The following CSMD1 variants were observed in gnomAD, a reference collection of about 807,000 sequenced individuals.
CSMD1 encodes CUB and Sushi multiple domains 1.
CSMD1 carries 213 observed loss-of-function variants against 417.5 expected under a neutral mutation model. That is an observed-to-expected ratio of 0.51 (90% CI 0.46 to 0.57). CSMD1 has a LOEUF of 0.57. Among genes scored for constraint, CSMD1 ranks in the 20% least tolerant of loss-of-function variants. The pLI is 0.00. For missense variants in CSMD1, 6,923 were observed against 4,529.7 expected, an observed-to-expected ratio of 1.53 and a Z score of -15.17; for synonymous variants, 2,862 against 1,736.8, an observed-to-expected ratio of 1.65 and a Z score of -16.11.
chr8:4,866,145 C>A (rs75964899), intron 1 of CSMD1, among the ~76,000 whole-genome samples: 1,753 of 152,058 alleles, frequency 0.012, 45 homozygotes, highest in African/African-American at 0.04. Flanking sequence ...TCATCCTATG[C>A]TGCAAAGTTT....
In CSMD1 at chr8:4,117,856, C is replaced by G. The variant is rs148242352; in HGVS notation, c.416-85757G>C. ...TCACTTTCCAAACAAAAGACAGAGA[C>G]TCAGGGCATGTCAAAAACCACAAAA... is the stretch of plus-strand genomic sequence containing the variant. On this transcript the variant is annotated intron_variant, in intron 3 of 69. Transcript: ENST00000635120. Among the ~76,000 whole-genome samples the G allele has an allele frequency of 1.7e-4, 25 of 151,264 alleles. No individual in the cohort carries two copies. In the East Asian group the frequency reaches 4.7e-3, roughly 28 times the overall value.
At chr8:4,348,257 T>C (rs1353087705) in intron 3 of CSMD1, among the ~76,000 whole-genome samples, 2 of 152,056 alleles carry the variant, frequency 1.3e-5, no homozygotes, top group African/African-American at 2.4e-5. Flanking sequence ...TATCTCTTCA[T>C]GTCTAAGGGG....
intron 3 of CSMD1, among the ~76,000 whole-genome samples, chr8:4,385,994 G>T (rs1803423523): frequency 6.6e-6 from 1 of 151,146 alleles, no homozygotes. Flanking sequence ...CATTTCCTCT[G>T]TTTCATTTTA....
intron 1 of CSMD1, among the ~76,000 whole-genome samples, chr8:4,808,870 C>G (rs1213610173): frequency 1.3e-5 from 2 of 152,202 alleles, no homozygotes; most frequent in African/African-American, 4.8e-5. Context: ...TCCAACAAGT[C>G]TGGATCCAAT....
At chr8:4,729,074 CT>C (rs1809677724) in intron 1 of CSMD1, among the ~76,000 whole-genome samples, 2 of 152,110 alleles carry the variant, frequency 1.3e-5, no homozygotes, top group Non-Finnish European at 2.9e-5. Context: ...ACAGGAAACA[CT>C]TGGATGTTCA....
At chr8:2,983,454 G>A (rs986794581) in intron 54 of CSMD1, among the ~76,000 whole-genome samples, 2 of 152,146 alleles carry the variant, frequency 1.3e-5, no homozygotes, top group Non-Finnish European at 2.9e-5. Context: ...CCAAAGTGCC[G>A]GGATTGCAGG....
intron 5 of CSMD1, among the ~76,000 whole-genome samples, chr8:3,811,890 A>AT (rs1801111429): frequency 6.6e-6 from 1 of 152,158 alleles, no homozygotes; most frequent in South Asian, 2.1e-4. Context: ...GTTTTTGCTC[A>AT]TTTGAAGCCT....
intron 10 of CSMD1, among the ~76,000 whole-genome samples, chr8:3,562,233 A>G (rs1356015662): frequency 6.6e-6 from 1 of 152,230 alleles, no homozygotes; most frequent in Non-Finnish European, 1.5e-5. Flanking sequence ...TTTGTATCAT[A>G]CTTGTTAAAG....
At chr8:4,954,550 A>G (rs1808964066) in intron 1 of CSMD1, among the ~76,000 whole-genome samples, 1 of 152,216 alleles carries the variant, frequency 6.6e-6, no homozygotes, top group African/African-American at 2.4e-5. Flanking sequence ...TTTAAAAAAT[A>G]TGTTTAAATG....
At chr8:3,310,414 T>C (rs1805237587) in intron 23 of CSMD1, among the ~76,000 whole-genome samples, 1 of 152,240 alleles carries the variant, frequency 6.6e-6, no homozygotes, top group African/African-American at 2.4e-5. Flanking sequence ...GCATTGGGGA[T>C]GACCACCAGC....
chr8:3,255,469 G>A (rs936789218), intron 26 of CSMD1, among the ~76,000 whole-genome samples: 1 of 152,216 alleles, frequency 6.6e-6, no homozygotes, highest in African/African-American at 2.4e-5. Context: ...CCCAGAGGTG[G>A]AGCCTACAGA....
At chr8:4,058,797 C>A (rs1424159959) in intron 3 of CSMD1, among the ~76,000 whole-genome samples, 2 of 149,894 alleles carry the variant, frequency 1.3e-5, no homozygotes, top group African/African-American at 2.5e-5. Context: ...TAAAGCAAGT[C>A]CTGAGTGACC....
chr8:3,331,623 G>T (rs915201946), intron 23 of CSMD1, among the ~76,000 whole-genome samples: 6 of 152,290 alleles, frequency 3.9e-5, no homozygotes, highest in Admixed American at 2.0e-4. Flanking sequence ...CAATGAATGT[G>T]AATTGCCTGG....
chr8:3,319,764 C>G (rs566365193), intron 23 of CSMD1, among the ~76,000 whole-genome samples: 1 of 151,884 alleles, frequency 6.6e-6, no homozygotes, highest in Non-Finnish European at 1.5e-5. Flanking sequence ...ACACGTCAGC[C>G]GGGCTATTTT....
At chr8:4,057,897 C>G (rs556009379) in intron 3 of CSMD1, among the ~76,000 whole-genome samples, 60 of 152,178 alleles carry the variant, frequency 3.9e-4, no homozygotes, top group African/African-American at 1.4e-3. Context: ...ATCTATATCT[C>G]TGTTTTGGTA....
At position 3,883,951 on chromosome 8, in the gene CSMD1, CATAG is replaced by C. The variant is rs1198050099; in HGVS notation, c.818+113948_818+113951del. Among the ~76,000 whole-genome samples, 14 of 152,134 alleles carry C rather than the reference CATAG, an allele frequency of 9.2e-5. No homozygotes were observed. The East Asian group carries it at 1.7e-3, about 19-fold the overall frequency. ...ATATAGGCATACGCTTTTAAACATA[CATAG>C]ATATAGAGTGTGCACATACTAAGAT... On this transcript the variant is annotated intron_variant, in intron 5 of 69. Transcript: ENST00000635120.
chr8:3,509,911 G>A (rs868823750), intron 10 of CSMD1, among the ~76,000 whole-genome samples: 1 of 152,082 alleles, frequency 6.6e-6, no homozygotes, highest in African/African-American at 2.4e-5. Flanking sequence ...GAAGCGATGA[G>A]GGCAACGCTT....
intron 7 of CSMD1, among the ~76,000 whole-genome samples, chr8:3,660,781 A>G (rs919362729): frequency 1.3e-5 from 2 of 152,162 alleles, no homozygotes; most frequent in African/African-American, 4.8e-5. Context: ...TCGGCCTCTC[A>G]AAGTGCTGGA....
chr8:3,736,771 C>G (rs1796543615), intron 6 of CSMD1, among the ~76,000 whole-genome samples: 1 of 152,224 alleles, frequency 6.6e-6, no homozygotes, highest in Non-Finnish European at 1.5e-5. Flanking sequence ...GTCGTTTTGC[C>G]TCAGATCCTC....
Sources: allele counts gnomAD v4.1 joint callset (sites outside exome capture counted in the v4.1 genomes callset), GRCh38; gene constraint gnomAD v4.1.1; transcripts MANE v1.5; gene names NCBI Gene and HGNC (gene_info 2026-07-23, HGNC 2026-07-21).